SGTB: variants seen among roughly 807,000 people sequenced by gnomAD.
SGTB encodes small glutamine-rich tetratricopeptide repeat-containing protein beta.
A neutral mutation model predicts 43.9 loss-of-function variants in SGTB; 19 were observed. That is an observed-to-expected ratio of 0.43 (90% CI 0.30 to 0.63). SGTB has a LOEUF of 0.63. Ranked by LOEUF, SGTB falls within the 30% of genes least tolerant of loss-of-function variation. SGTB has a pLI of 0.12. For missense variants in SGTB, 304 were observed against 358.9 expected (o/e 0.85, Z 1.24); for synonymous variants, 116 against 117.3 (o/e 0.99, Z 0.07).
chr5:65,704,179 CT>C, intron 5 of SGTB, 99 bp downstream of exon 5: 1 of 882,564 alleles, frequency 1.1e-6, no homozygotes, highest in African/African-American at 1.7e-5. Flanking sequence ...TTTTTCTGAA[CT>C]TTCAAAATTT....
intron 5 of SGTB, among the ~76,000 whole-genome samples, chr5:65,701,657 G>T (rs1757825099): frequency 7.5e-6 from 1 of 132,914 alleles, no homozygotes; most frequent in Non-Finnish European, 1.5e-5. Flanking sequence ...TTTTGAGACA[G>T]AGTCTCACTC....
At chr5:65,707,433 CACAT>C (rs1214115583) in intron 4 of SGTB, among the ~76,000 whole-genome samples, 23 of 145,968 alleles carry the variant, frequency 1.6e-4, no homozygotes, top group African/African-American at 5.2e-4. Flanking sequence ...CACACACACA[CACAT>C]ATATTTTTTT....
At chr5:65,698,396 C>A (rs1428198164) in intron 5 of SGTB, among the ~76,000 whole-genome samples, 1 of 152,162 alleles carries the variant, frequency 6.6e-6, no homozygotes, top group Non-Finnish European at 1.5e-5. Flanking sequence ...AAGGTAAATA[C>A]TAGTATTACC....
chr5:65,675,561 T>C (rs1268544264), intron 8 of SGTB, among the ~76,000 whole-genome samples: 7 of 152,132 alleles, frequency 4.6e-5, no homozygotes, highest in African/African-American at 1.4e-4. Flanking sequence ...AGGAGGTACA[T>C]GGACACGTTA....
intron 6 of SGTB, among the ~76,000 whole-genome samples, chr5:65,684,508 G>A (rs774032999): frequency 6.6e-6 from 1 of 152,100 alleles, no homozygotes; most frequent in African/African-American, 2.4e-5. Context: ...AAGGTACAAG[G>A]GAATGGGATC....
intron 2 of SGTB, among the ~76,000 whole-genome samples, chr5:65,719,720 A>G (rs977123559): frequency 3.9e-5 from 6 of 152,362 alleles, no homozygotes; most frequent in South Asian, 2.1e-4. Flanking sequence ...TTTATAACAC[A>G]TAAACATGAA....
chr5:65,687,911 G>T (rs1387229393), intron 5 of SGTB, among the ~76,000 whole-genome samples: 2 of 152,192 alleles, frequency 1.3e-5, no homozygotes, highest in African/African-American at 4.8e-5. Context: ...TGGGATTACA[G>T]GTGTGTGCCA....
chr5:65,710,783 A>G (rs1758028802), intron 3 of SGTB, among the ~76,000 whole-genome samples: 1 of 152,102 alleles, frequency 6.6e-6, no homozygotes, highest in Admixed American at 6.6e-5. Flanking sequence ...TGAGGTCAGG[A>G]GTTCAACACC....
intron 2 of SGTB, among the ~76,000 whole-genome samples, chr5:65,718,497 T>C (rs1001566262): frequency 2.0e-5 from 3 of 152,164 alleles, no homozygotes; most frequent in Admixed American, 6.5e-5. Context: ...AGAGTGACAG[T>C]GAGCAGGAAC....
In SGTB at chr5:65,671,912, T is replaced by TAG. The variant is rs1179637977; in HGVS notation, c.803+2_803+3insCT. 1 of 1,613,332 alleles carries TAG rather than the reference T, an allele frequency of 6.2e-7. No individual in the cohort carries two copies. ...CACTATTTCTGTTTTAAATAATACT[T>TAG]ACGCTTGGATGAGGCTTGACAGGTC... On this transcript the variant is annotated splice_region_variant and intron_variant, in intron 10 of 10. Coordinates refer to ENST00000381007, the MANE Select transcript of SGTB (RefSeq NM_019072.3).
chr5:65,709,674 G>A (rs1688503280), intron 3 of SGTB, among the ~76,000 whole-genome samples: 1 of 152,138 alleles, frequency 6.6e-6, no homozygotes, highest in Non-Finnish European at 1.5e-5. Flanking sequence ...ACTGCGCCCG[G>A]CCGTGTTTTC....
At chr5:65,675,796 G>C (rs1757254722) in intron 8 of SGTB, among the ~76,000 whole-genome samples, 1 of 152,132 alleles carries the variant, frequency 6.6e-6, no homozygotes. Flanking sequence ...AAATGCCGAG[G>C]GAATTCATTA....
At chr5:65,673,656 G>C (rs1050883326) in intron 8 of SGTB, among the ~76,000 whole-genome samples, 2 of 98,612 alleles carry the variant, frequency 2.0e-5, no homozygotes, top group South Asian at 6.5e-4. Flanking sequence ...CTGTCCTATA[G>C]GGCTATTTTT....
intron 10 of SGTB, among the ~76,000 whole-genome samples, chr5:65,671,283 T>C (rs964920520): frequency 7.9e-5 from 12 of 152,196 alleles, no homozygotes; most frequent in Non-Finnish European, 1.2e-4. Context: ...TTTGGACATA[T>C]GATTTTTACT....
intron 5 of SGTB, among the ~76,000 whole-genome samples, chr5:65,688,343 C>G (rs1348816466): frequency 6.6e-6 from 1 of 152,186 alleles, no homozygotes; most frequent in Non-Finnish European, 1.5e-5. Context: ...TCACTGACAT[C>G]TGATTCTGGA....
intron 5 of SGTB, among the ~76,000 whole-genome samples, chr5:65,700,589 G>A (rs1306152436): frequency 6.6e-6 from 1 of 151,130 alleles, no homozygotes; most frequent in African/African-American, 2.4e-5. Context: ...GCTGAGGCAG[G>A]AGAATGGCGT....
chr5:65,702,198 G>A (rs1245349683), intron 5 of SGTB, among the ~76,000 whole-genome samples: 1 of 152,100 alleles, frequency 6.6e-6, no homozygotes, highest in Non-Finnish European at 1.5e-5. Context: ...ATTCACAACA[G>A]GAAGCCACTA....
chr5:65,714,428 C>T (rs1438516832), intron 2 of SGTB, among the ~76,000 whole-genome samples: 1 of 152,058 alleles, frequency 6.6e-6, no homozygotes, highest in African/African-American at 2.4e-5. Context: ...CTGATAGGGG[C>T]CTTGTCTATT....
chr5:65,685,590 T>C, intron 5 of SGTB, 118 bp from the exon 6 acceptor site: 1 of 717,492 alleles, frequency 1.4e-6, no homozygotes, highest in Non-Finnish European at 2.3e-6. Context: ...TCCCACTAAA[T>C]TTCTAAGTCA....
Sources: allele counts gnomAD v4.1 joint callset (sites outside exome capture counted in the v4.1 genomes callset), GRCh38; gene constraint gnomAD v4.1.1; transcripts MANE v1.5; gene names NCBI Gene and HGNC (gene_info 2026-07-23, HGNC 2026-07-21).